The following AGMO variants were observed in gnomAD, a reference collection of about 807,000 sequenced individuals.
AGMO encodes glyceryl-ether monooxygenase.
In AGMO, 75 loss-of-function variants were observed where a neutral mutation model predicts 60.2. The observed-to-expected ratio is 1.25, with a 90% CI of 1.03 to 1.51. AGMO has a LOEUF of 1.51. Ranked by LOEUF, AGMO falls within the 40% of genes most tolerant of loss-of-function variation. The pLI, the probability that AGMO is intolerant of heterozygous loss-of-function variation, is 0.00. For synonymous variants in AGMO, 261 were observed against 177.1 expected (o/e 1.47, Z -3.76); for missense variants, 763 against 525.5 (o/e 1.45, Z -4.42).
chr7:15,419,848 C>T (rs577110141), intron 4 of AGMO, among the ~76,000 whole-genome samples: 3 of 151,958 alleles, frequency 2.0e-5, no homozygotes, highest in South Asian at 4.2e-4. Flanking sequence ...AAATTAGTGG[C>T]GGAGGGGAAA....
intron 10 of AGMO, 27 bp from the exon 11 acceptor site, chr7:15,366,249 G>C (rs1159233772): frequency 6.5e-7 from 1 of 1,549,384 alleles, no homozygotes; most frequent in Admixed American, 1.7e-5. Context: ...GAGATCAATG[G>C]AGCCGTTAGA....
At chr7:15,429,837 C>G (rs775933129) in intron 4 of AGMO, among the ~76,000 whole-genome samples, 3 of 151,988 alleles carry the variant, frequency 2.0e-5, no homozygotes, top group African/African-American at 2.4e-5. Context: ...TGTAATTAAC[C>G]TCACTGATCT....
chr7:15,550,669 T>C (rs1257245627), intron 2 of AGMO, among the ~76,000 whole-genome samples: 1 of 149,976 alleles, frequency 6.7e-6, no homozygotes, highest in East Asian at 2.0e-4. Context: ...ATTCTGGCAA[T>C]AATCAATAGT....
intron 12 of AGMO, among the ~76,000 whole-genome samples, chr7:15,221,313 G>C (rs1563041387): frequency 6.6e-6 from 1 of 152,010 alleles, no homozygotes; most frequent in Non-Finnish European, 1.5e-5. Flanking sequence ...AAGTCATCTA[G>C]CAAAACTTTG....
At chr7:15,286,680 C>G (rs1784109706) in intron 12 of AGMO, among the ~76,000 whole-genome samples, 1 of 152,044 alleles carries the variant, frequency 6.6e-6, no homozygotes, top group Non-Finnish European at 1.5e-5. Flanking sequence ...TCTCAAAAAA[C>G]TAAAAGAAGA....
rs188692204 is a variant in AGMO at position 15,242,365 on chromosome 7, A to T, written c.1264-41006T>A. ...AGAACTAAATTTAAGTCCTAATTCCATCCATAGACAAGTACTTCACATCAC... is the reference window on the plus strand; with the variant it reads ...AGAACTAAATTTAAGTCCTAATTCCTTCCATAGACAAGTACTTCACATCAC... On this transcript the variant is annotated intron_variant, in intron 12 of 12. Transcript: ENST00000342526. 2.3e-4 allele frequency among the ~76,000 whole-genome samples: 35 copies of T among 152,334 alleles called. No individual in the cohort carries two copies. The East Asian group carries it at 6.4e-3, about 28-fold the overall frequency.
chr7:15,217,609 T>G (rs1781779987), intron 12 of AGMO, among the ~76,000 whole-genome samples: 1 of 152,006 alleles, frequency 6.6e-6, no homozygotes, highest in Admixed American at 6.6e-5. Flanking sequence ...AGAAACATCT[T>G]AAATTAAAAT....
intron 3 of AGMO, among the ~76,000 whole-genome samples, chr7:15,517,289 G>C (rs1186388449): frequency 6.6e-6 from 1 of 151,596 alleles, no homozygotes; most frequent in Non-Finnish European, 1.5e-5. Context: ...AGAATAGTGT[G>C]ATTAAAAAAT....
chr7:15,128,822 C>T, the AGMO span, among the ~76,000 whole-genome samples: 1 of 152,006 alleles, frequency 6.6e-6, no homozygotes, highest in Admixed American at 6.6e-5. Context: ...CTTAAATTAG[C>T]ATGAGGAAAG....
At chr7:15,478,880 G>C (rs1273073033) in intron 3 of AGMO, among the ~76,000 whole-genome samples, 1 of 152,036 alleles carries the variant, frequency 6.6e-6, no homozygotes, top group Non-Finnish European at 1.5e-5. Context: ...CAGATAATTA[G>C]CTTTATCCTA....
chr7:15,189,076 A>T, the AGMO span, among the ~76,000 whole-genome samples: 2 of 152,278 alleles, frequency 1.3e-5, no homozygotes, highest in Non-Finnish European at 2.9e-5. Flanking sequence ...TAGCATTTTT[A>T]AAATATTTTG....
the AGMO span, among the ~76,000 whole-genome samples, chr7:15,139,534 G>T: frequency 6.6e-6 from 1 of 151,938 alleles, no homozygotes; most frequent in African/African-American, 2.4e-5. Context: ...CCTTAAGTAG[G>T]CCCCCGTGCC....
At chr7:15,328,349 G>A (rs996832639) in intron 12 of AGMO, among the ~76,000 whole-genome samples, 2 of 151,694 alleles carry the variant, frequency 1.3e-5, no homozygotes, top group African/African-American at 2.4e-5. Context: ...GGCCCACCTC[G>A]GCCTCTCAAA....
chr7:15,465,122 G>A lies in AGMO; in HGVS notation c.410-34014C>T, dbSNP rs796140486. On this transcript the variant is annotated intron_variant, in intron 3 of 12. Coordinates refer to ENST00000342526, the MANE Select transcript of AGMO (RefSeq NM_001004320.2). ...AAAAAGCTAAAAGTCTTTACTCTGT[G>A]TGTTCTGTTTGGTTTTGTTTTTGAG... Among the ~76,000 whole-genome samples, 9 of 152,118 alleles carry A rather than the reference G, an allele frequency of 5.9e-5. No individual in the cohort carries two copies. The East Asian group carries it at 1.6e-3, about 26-fold the overall frequency.
intron 5 of AGMO, among the ~76,000 whole-genome samples, chr7:15,413,402 G>C (rs535477302): frequency 6.6e-6 from 1 of 152,142 alleles, no homozygotes; most frequent in East Asian, 1.9e-4. Context: ...AAAGAGAAAA[G>C]GACAGAAACA....
intron 3 of AGMO, among the ~76,000 whole-genome samples, chr7:15,539,107 C>A (rs1161475611): frequency 6.6e-6 from 1 of 151,574 alleles, no homozygotes; most frequent in Non-Finnish European, 1.5e-5. Flanking sequence ...TGGGTAAATT[C>A]TTTATTTTAA....
chr7:15,361,063 T>C (rs1160110757), intron 12 of AGMO, among the ~76,000 whole-genome samples: 1 of 152,148 alleles, frequency 6.6e-6, no homozygotes, highest in Non-Finnish European at 1.5e-5. Flanking sequence ...AAATCATTTG[T>C]TACTAAGTGA....
intron 12 of AGMO, among the ~76,000 whole-genome samples, chr7:15,332,125 G>A (rs989608148): frequency 1.3e-5 from 2 of 152,086 alleles, no homozygotes; most frequent in African/African-American, 4.8e-5. Context: ...TAGACAGGAA[G>A]GCTAACATTG....
At chr7:15,166,880 C>G in the AGMO span, among the ~76,000 whole-genome samples, 623 of 152,170 alleles carry the variant, frequency 4.1e-3, 3 homozygotes, top group African/African-American at 0.014. Flanking sequence ...TTGGATGGAG[C>G]AAGATTAGGG....
Sources: allele counts gnomAD v4.1 joint callset (sites outside exome capture counted in the v4.1 genomes callset), GRCh38; gene constraint gnomAD v4.1.1; transcripts MANE v1.5; gene names NCBI Gene and HGNC (gene_info 2026-07-23, HGNC 2026-07-21).